The following CSMD1 variants were observed in gnomAD, a reference collection of about 807,000 sequenced individuals.
CSMD1 encodes the protein CUB and Sushi multiple domains 1, also known as CUB and sushi domain-containing protein 1.
CSMD1 carries 213 observed loss-of-function variants against 417.5 expected under a neutral mutation model. That is an observed-to-expected ratio of 0.51 (90% CI 0.46 to 0.57). The LOEUF (loss-of-function observed/expected upper bound fraction) is 0.57. Among genes scored for constraint, CSMD1 ranks in the 20% least tolerant of loss-of-function variants. The pLI is 0.00. For synonymous variants in CSMD1, 2,862 were observed against 1,736.8 expected, an observed-to-expected ratio of 1.65 and a Z score of -16.11; for missense variants, 6,923 against 4,529.7, an observed-to-expected ratio of 1.53 and a Z score of -15.17.
chr8:4,966,024 T>A (rs1382570990), intron 1 of CSMD1, among the ~76,000 whole-genome samples: 1 of 151,976 alleles, frequency 6.6e-6, no homozygotes, highest in Non-Finnish European at 1.5e-5. Context: ...CTTTATGATA[T>A]GCAAGTATTT....
chr8:4,257,946 C>G (rs1803579910), intron 3 of CSMD1, among the ~76,000 whole-genome samples: 2 of 152,102 alleles, frequency 1.3e-5, no homozygotes, highest in South Asian at 4.2e-4. Context: ...TTTTCAAAAT[C>G]ATTAGAATCT....
At chr8:3,085,094 C>T (rs1246858560) in intron 49 of CSMD1, among the ~76,000 whole-genome samples, 5 of 152,072 alleles carry the variant, frequency 3.3e-5, no homozygotes, top group African/African-American at 1.2e-4. Flanking sequence ...AGTATAATTT[C>T]TTCTGGCAAG....
At chr8:4,944,248 C>T (rs1339443903) in intron 1 of CSMD1, among the ~76,000 whole-genome samples, 3 of 152,142 alleles carry the variant, frequency 2.0e-5, no homozygotes, top group African/African-American at 2.4e-5. Context: ...AGTAGAGCGA[C>T]CTCAACAGAG....
At chr8:4,533,226 T>A (rs899284126) in intron 2 of CSMD1, among the ~76,000 whole-genome samples, 10 of 152,216 alleles carry the variant, frequency 6.6e-5, no homozygotes, top group African/African-American at 2.4e-4. Context: ...TGTAAAGAGC[T>A]CAGTGGTGCT....
chr8:3,221,722 C>A (rs940322333), intron 28 of CSMD1, among the ~76,000 whole-genome samples: 6 of 152,070 alleles, frequency 3.9e-5, no homozygotes, highest in African/African-American at 1.4e-4. Context: ...CATGCCAAAG[C>A]CTGACTCAAA....
chr8:4,242,721 A>AC (rs397817789), intron 3 of CSMD1, among the ~76,000 whole-genome samples: 2 of 47,710 alleles, frequency 4.2e-5, no homozygotes, highest in Non-Finnish European at 1.5e-4. Flanking sequence ...CACTCTGCCC[A>AC]GTTGAGTGGC....
intron 2 of CSMD1, among the ~76,000 whole-genome samples, chr8:4,451,588 A>C (rs1207526414): frequency 6.6e-6 from 1 of 152,170 alleles, no homozygotes; most frequent in Non-Finnish European, 1.5e-5. Flanking sequence ...AAAGCCTTAA[A>C]AAGAAGACCA....
intron 27 of CSMD1, among the ~76,000 whole-genome samples, chr8:3,229,343 C>T (rs1025741650): frequency 1.3e-5 from 2 of 152,092 alleles, no homozygotes; most frequent in Non-Finnish European, 2.9e-5. Context: ...ATGATATACT[C>T]TAAGTACGAA....
At chr8:4,468,828 C>T (rs952326935) in intron 2 of CSMD1, among the ~76,000 whole-genome samples, 1 of 152,040 alleles carries the variant, frequency 6.6e-6, no homozygotes, top group African/African-American at 2.4e-5. Context: ...GAATTTAGCC[C>T]AAACAGCAAT....
intron 3 of CSMD1, among the ~76,000 whole-genome samples, chr8:4,393,899 T>C (rs1484695880): frequency 6.6e-6 from 1 of 152,214 alleles, no homozygotes; most frequent in Non-Finnish European, 1.5e-5. Context: ...GAAATATACC[T>C]TTCCATCTTA....
At chr8:4,574,371 G>C (rs541310943) in intron 2 of CSMD1, among the ~76,000 whole-genome samples, 94 of 152,266 alleles carry the variant, frequency 6.2e-4, no homozygotes, top group African/African-American at 2.2e-3. Context: ...CCCTTGGCTA[G>C]GAGAGGGGGT....
chr8:3,865,562 T>C (rs1365013659), intron 5 of CSMD1, among the ~76,000 whole-genome samples: 1 of 151,938 alleles, frequency 6.6e-6, no homozygotes, highest in Admixed American at 6.6e-5. Flanking sequence ...GCACGTACAG[T>C]GGGAAGCCGC....
intron 1 of CSMD1, among the ~76,000 whole-genome samples, chr8:4,711,997 T>C (rs1364490168): frequency 2.0e-5 from 3 of 152,196 alleles, no homozygotes; most frequent in Non-Finnish European, 4.4e-5. Context: ...TTGAAATATG[T>C]GGCTTCCTAA....
Position 3,151,686 on chromosome 8 carries a change from C to A in CSMD1, c.5915-173G>T, listed in dbSNP as rs185868127. 8.5e-5 allele frequency among the ~76,000 whole-genome samples: 13 copies of A among 152,318 alleles called. No individual in the cohort carries two copies. The East Asian group carries it at 2.3e-3, about 27-fold the overall frequency. On this transcript the variant is annotated intron_variant, in intron 39 of 69. Transcript: ENST00000635120. The stretch of plus-strand genomic sequence containing the variant: ...GTGCCTTAGTTATTTATGAGCTGTG[C>A]TCTCCCTCTTGACAGTGAACTGCTT...
intron 3 of CSMD1, among the ~76,000 whole-genome samples, chr8:4,283,930 A>G (rs1460477809): frequency 6.6e-6 from 1 of 152,164 alleles, no homozygotes; most frequent in Admixed American, 6.5e-5. Flanking sequence ...ATCTGGACAC[A>G]CCATTATTAA....
intron 3 of CSMD1, among the ~76,000 whole-genome samples, chr8:4,052,897 T>C (rs1471774562): frequency 2.0e-5 from 3 of 152,184 alleles, no homozygotes; most frequent in East Asian, 3.9e-4. Context: ...TAGACCACAA[T>C]GCCAGACGTA....
chr8:4,944,289 G>A (rs895377869), intron 1 of CSMD1, among the ~76,000 whole-genome samples: 2 of 152,174 alleles, frequency 1.3e-5, no homozygotes, highest in Non-Finnish European at 2.9e-5. Context: ...GAGTATTATG[G>A]AGATCAATGC....
intron 8 of CSMD1, among the ~76,000 whole-genome samples, chr8:3,595,966 G>A (rs572784722): frequency 6.6e-6 from 1 of 152,182 alleles, no homozygotes; most frequent in African/African-American, 2.4e-5. Context: ...GTGTCTCCCT[G>A]AGATCCAAGG....
intron 2 of CSMD1, among the ~76,000 whole-genome samples, chr8:4,595,387 C>CTTTTTTTTTTTTTTTCTTTTTTT: frequency 1.0e-4 from 15 of 147,410 alleles, no homozygotes; most frequent in South Asian, 2.2e-4. Context: ...CATTCATTTT[C>CTTTTTTTTTTTTTTTCTTTTTTT]ATTCCATCCA....
Sources: allele counts gnomAD v4.1 joint callset (sites outside exome capture counted in the v4.1 genomes callset), GRCh38; gene constraint gnomAD v4.1.1; transcripts MANE v1.5; gene names NCBI Gene and HGNC (gene_info 2026-07-23, HGNC 2026-07-21).